Variants in DIAPH3 observed in about 807,000 individuals in gnomAD.
DIAPH3 encodes protein diaphanous homolog 3.
Under a neutral mutation model 144.3 loss-of-function variants are expected in DIAPH3, and 117 were observed. That is an observed-to-expected ratio of 0.81 (90% confidence interval 0.70 to 0.95). The LOEUF (loss-of-function observed/expected upper bound fraction) is 0.95, where lower values mean the gene tolerates loss of function less well. Ranked by LOEUF, DIAPH3 falls within the 40% of genes least tolerant of loss-of-function variation. The pLI, the probability that DIAPH3 is intolerant of heterozygous loss-of-function variation, is 0.00. For missense variants in DIAPH3, 1,421 were observed against 1,412.7 expected (o/e 1.01, Z -0.09); for synonymous variants, 519 against 488.9 (o/e 1.06, Z -0.81).
chr13:59,734,582 C>T (rs1408736587), intron 27 of DIAPH3, among the ~76,000 whole-genome samples: 1 of 152,114 alleles, frequency 6.6e-6, no homozygotes, highest in African/African-American at 2.4e-5. Flanking sequence ...TCAAGTCATT[C>T]GGAGCCATCA....
intron 27 of DIAPH3, among the ~76,000 whole-genome samples, chr13:59,718,932 C>T (rs1224825149): frequency 6.6e-6 from 1 of 151,932 alleles, no homozygotes; most frequent in Non-Finnish European, 1.5e-5. Flanking sequence ...CCCCCCCCAC[C>T]TAACTGATAA....
rs5803983 is a variant in DIAPH3 at position 60,040,226 on chromosome 13, CA to C, written c.626+2463del. Among the ~76,000 whole-genome samples, 71 of 34,836 alleles carry C rather than the reference CA, an allele frequency of 2.0e-3. No individual in the cohort carries two copies. In the East Asian group the frequency reaches 0.045, roughly 22 times the overall value. 22.9% of individuals were successfully genotyped at this position (34,836 alleles called of 152,430 possible). On this transcript the variant is annotated intron_variant, in intron 5 of 27. Transcript: ENST00000400324. The stretch of plus-strand genomic sequence containing the variant: ...TGGGCAAAAGAGTGAGACTCCATCT[CA>C]AAAAAAAAAAAAAAAAAAAAAAAAG...
intron 4 of DIAPH3, among the ~76,000 whole-genome samples, chr13:60,061,377 G>A (rs2056765222): frequency 6.6e-6 from 1 of 152,006 alleles, no homozygotes; most frequent in Non-Finnish European, 1.5e-5. Context: ...AAACTGATTG[G>A]AAATGAAGTT....
At chr13:59,873,590 C>T (rs2044411922) in intron 21 of DIAPH3, among the ~76,000 whole-genome samples, 1 of 151,920 alleles carries the variant, frequency 6.6e-6, no homozygotes. Flanking sequence ...ATTCACACTC[C>T]TTTTCAAAGT....
chr13:59,675,244 T>A (rs1430465557), intron 27 of DIAPH3, among the ~76,000 whole-genome samples: 1 of 152,152 alleles, frequency 6.6e-6, no homozygotes, highest in African/African-American at 2.4e-5. Flanking sequence ...TTAAACATTT[T>A]AAAAATCGAG....
intron 27 of DIAPH3, among the ~76,000 whole-genome samples, chr13:59,747,358 G>A (rs1228183236): frequency 6.6e-6 from 1 of 152,096 alleles, no homozygotes; most frequent in Non-Finnish European, 1.5e-5. Context: ...TTGCATCTAG[G>A]TATTTTAAAT....
chr13:59,992,828 C>A (rs2051920266), intron 9 of DIAPH3, among the ~76,000 whole-genome samples: 2 of 144,008 alleles, frequency 1.4e-5, no homozygotes, highest in Non-Finnish European at 1.5e-5. Flanking sequence ...GCCGTTACTA[C>A]TGCTCCATAA....
chr13:59,974,494 T>C, intron 14 of DIAPH3, 38 bp from the exon 15 acceptor site: 3 of 1,497,648 alleles, frequency 2.0e-6, no homozygotes, highest in Admixed American at 1.7e-5. Context: ...AACAGGAAGA[T>C]GAAAATGAAA....
At position 59,839,396 on chromosome 13, in the gene DIAPH3, T is replaced by C. The variant is rs1355056005; in HGVS notation, c.2790A>G (p.Gln930=). ...KNLRQMGRQL[Q]QLEKELETFP... ...AGGTTTCCAATTCCTTCTCAAGCTG[T>C]TGAAGCTGCCTTCCCATCTGCCTCA... Residue 930 remains glutamine, a synonymous_variant, in exon 23 of 28, where the codon CAA becomes CAG. Transcript: ENST00000400324. 2 of 1,613,706 alleles carry C rather than the reference T, an allele frequency of 1.2e-6. No homozygotes were observed. The highest frequency in any genetic ancestry group is 1.3e-5 in the African/African-American group (1 of 74,918).
intron 26 of DIAPH3, 30 bp downstream of exon 26, chr13:59,774,698 A>G (rs777746844): frequency 6.3e-7 from 1 of 1,592,882 alleles, no homozygotes; most frequent in Non-Finnish European, 8.6e-7. Flanking sequence ...AGCTCCCTAG[A>G]AAGTAACATG....
intron 8 of DIAPH3, among the ~76,000 whole-genome samples, chr13:60,010,114 T>C (rs763054378): frequency 5.3e-5 from 8 of 152,178 alleles, no homozygotes; most frequent in Non-Finnish European, 1.2e-4. Context: ...ATCTGCCTTA[T>C]ATATAGATTT....
chr13:59,739,002 G>A (rs935488272), intron 27 of DIAPH3, among the ~76,000 whole-genome samples: 10 of 151,928 alleles, frequency 6.6e-5, no homozygotes, highest in Non-Finnish European at 1.3e-4. Flanking sequence ...CAGAATAGAA[G>A]CAATACAATT....
chr13:60,140,613 A>G (rs2059405172), intron 1 of DIAPH3, among the ~76,000 whole-genome samples: 1 of 152,126 alleles, frequency 6.6e-6, no homozygotes, highest in Non-Finnish European at 1.5e-5. Context: ...AATCATAGGT[A>G]ATTTTACACA....
rs554122895 is a variant in DIAPH3, at chr13:59,920,630, T to C, written c.2170+4145A>G. On this transcript the variant is annotated intron_variant, in intron 18 of 27. Transcript: ENST00000400324. Reference sequence around the variant, plus strand: ...AAATAGATCTACAGGGAGACATACATTGCAATACAATATTAGGAGACTTCA... The same window carrying C: ...AAATAGATCTACAGGGAGACATACACTGCAATACAATATTAGGAGACTTCA... Among the ~76,000 whole-genome samples, 7 of 151,710 alleles carry C rather than the reference T, an allele frequency of 4.6e-5. No individual in the cohort carries two copies. In the East Asian group the frequency reaches 1.4e-3, roughly 29 times the overall value.
intron 13 of DIAPH3, among the ~76,000 whole-genome samples, chr13:59,983,317 T>C (rs941734075): frequency 1.5e-4 from 23 of 151,430 alleles, no homozygotes; most frequent in Admixed American, 9.9e-4. Flanking sequence ...ATGGAGAATT[T>C]GTAACATCAG....
intron 27 of DIAPH3, among the ~76,000 whole-genome samples, chr13:59,768,418 T>C (rs564121916): frequency 6.6e-6 from 1 of 152,164 alleles, no homozygotes; most frequent in African/African-American, 2.4e-5. Flanking sequence ...ACTACTTCAA[T>C]AGAGTTGTCT....
intron 17 of DIAPH3, among the ~76,000 whole-genome samples, chr13:59,944,557 T>A (rs2048705723): frequency 6.6e-6 from 1 of 152,152 alleles, no homozygotes; most frequent in Non-Finnish European, 1.5e-5. Flanking sequence ...TAGGAACACT[T>A]GTTTCAAAAA....
rs759861398 is a variant in DIAPH3, at chr13:59,911,743, C to T, written c.2359G>A (p.Val787Met). ...YSNLCEPEQF[V>M]VVMSNVKRLR... ...TGAGACTCGGTACTTACCACAACCA[C>T]AAACTGCTCAGGTTCACATAAGTTG... Residue 787 changes from valine to methionine, a missense_variant, in exon 20 of 28, where the codon GTG becomes ATG. Val to Met is a conservative substitution (Grantham distance 21). Coordinates refer to ENST00000400324, the MANE Select transcript of DIAPH3 (RefSeq NM_001042517.2). The T allele has an allele frequency of 6.2e-7, 1 of 1,613,278 alleles. No homozygotes were observed. Among genetic ancestry groups the T allele is most frequent in the South Asian group, 1.1e-5 (1 of 91,038 alleles).
intron 4 of DIAPH3, among the ~76,000 whole-genome samples, chr13:60,088,050 T>C (rs1181529201): frequency 6.6e-6 from 1 of 152,054 alleles, no homozygotes. Context: ...CTAAACCTAA[T>C]GGTACAGCCA....
Sources: gnomAD v4.1 joint callset for allele counts (sites outside exome capture counted in the v4.1 genomes callset) on GRCh38, gnomAD v4.1.1 for gene constraint, MANE v1.5 for transcripts, NCBI Gene and HGNC (gene_info 2026-07-23, HGNC 2026-07-21) for gene names.